KCNJ15: variants seen among roughly 807,000 people sequenced by gnomAD.
KCNJ15 encodes the protein potassium inwardly rectifying channel subfamily J member 15.
Under a neutral mutation model 23.0 loss-of-function variants are expected in KCNJ15, and 14 were observed. The observed-to-expected ratio is 0.61, with a 90% CI of 0.40 to 0.95. The LOEUF is 0.95. KCNJ15 is among the 40% of genes least tolerant of loss of function. The pLI is 0.00. For missense variants in KCNJ15, 388 were observed against 461.8 expected, an observed-to-expected ratio of 0.84 and a Z score of 1.46; for synonymous variants, 185 against 183.2, an observed-to-expected ratio of 1.01 and a Z score of -0.08.
At chr21:38,283,795 A>C (rs1334005765) in intron 1 of KCNJ15, among the ~76,000 whole-genome samples, 2 of 151,824 alleles carry the variant, frequency 1.3e-5, no homozygotes, top group African/African-American at 4.8e-5. Flanking sequence ...CAAACTCGTC[A>C]ATGTAGAATG....
intron 1 of KCNJ15, among the ~76,000 whole-genome samples, chr21:38,294,974 A>G (rs1177907693): frequency 1.3e-5 from 2 of 152,224 alleles, no homozygotes; most frequent in African/African-American, 2.4e-5. Context: ...CGATATAACA[A>G]AAACTGCAGA....
Position 38,302,390 on chromosome 21 carries a change from G to T in KCNJ15, c.*2001G>T, listed in dbSNP as rs753684498. 1.3e-5 allele frequency: 2 copies of T among 152,228 alleles called. No homozygotes were observed. The highest frequency in any genetic ancestry group is 2.9e-5 in the Non-Finnish European group (2 of 68,034). 9.4% of individuals were successfully genotyped at this position (152,228 alleles called of 1,614,324 possible). A position where few individuals can be genotyped will look rare whatever the true frequency, so the allele number is the denominator to read the frequency against. On this transcript the variant is annotated 3_prime_UTR_variant, in exon 3 of 3. Coordinates refer to ENST00000398938, the MANE Select transcript of KCNJ15 (RefSeq NM_170736.3). ...GGAACTGAACTAGTTTAAGGCAGGT[G>T]TAAGAATAGTGGGAGGAAAGTTTGT...
At chr21:38,265,297 A>G (rs767309149) in intron 1 of KCNJ15, among the ~76,000 whole-genome samples, 1 of 152,254 alleles carries the variant, frequency 6.6e-6, no homozygotes, top group Non-Finnish European at 1.5e-5. Context: ...AGCGAATTTC[A>G]TTGCAGCTGG....
chr21:38,267,322 A>T (rs771706274), intron 1 of KCNJ15: 1 of 152,236 alleles, frequency 6.6e-6, no homozygotes, highest in African/African-American at 2.4e-5. Context: ...CAGAGACTGG[A>T]TCCCTGAGGA....
chr21:38,249,761 C>G (rs932642609), intron 1 of KCNJ15, among the ~76,000 whole-genome samples: 1 of 152,144 alleles, frequency 6.6e-6, no homozygotes, highest in African/African-American at 2.4e-5. Context: ...AAACCAGTAC[C>G]CTATTATTAG....
At chr21:38,250,938 G>A (rs1463486721) in intron 1 of KCNJ15, among the ~76,000 whole-genome samples, 1 of 152,148 alleles carries the variant, frequency 6.6e-6, no homozygotes, top group African/African-American at 2.4e-5. Context: ...GACGTGTCTG[G>A]CCATCTGGTA....
At chr21:38,264,118 T>C (rs931992993) in intron 1 of KCNJ15, among the ~76,000 whole-genome samples, 2 of 152,262 alleles carry the variant, frequency 1.3e-5, no homozygotes, top group Non-Finnish European at 2.9e-5. Flanking sequence ...AGCTTCCTAT[T>C]TGAACCTGGG....
At chr21:38,289,400 T>A (rs1338328663) in intron 1 of KCNJ15, among the ~76,000 whole-genome samples, 1 of 152,192 alleles carries the variant, frequency 6.6e-6, no homozygotes, top group African/African-American at 2.4e-5. Context: ...AAATAGTGAG[T>A]GAGATTCCAC....
At chr21:38,271,098 A>T (rs1982029490) in intron 1 of KCNJ15, among the ~76,000 whole-genome samples, 1 of 152,250 alleles carries the variant, frequency 6.6e-6, no homozygotes, top group Non-Finnish European at 1.5e-5. Flanking sequence ...CTCAGGGACA[A>T]AACCTGGTTG....
chr21:38,235,121 C>G (rs1601115251), intron 1 of KCNJ15, among the ~76,000 whole-genome samples: 1 of 152,236 alleles, frequency 6.6e-6, no homozygotes, highest in African/African-American at 2.4e-5. Flanking sequence ...TATAATCACT[C>G]TTTGGACACA....
intron 1 of KCNJ15, among the ~76,000 whole-genome samples, chr21:38,258,754 C>T (rs2097068552): frequency 6.6e-6 from 1 of 152,202 alleles, no homozygotes; most frequent in African/African-American, 2.4e-5. Context: ...GTTTCCACTC[C>T]TTCCTCCCAC....
At chr21:38,274,735 C>A (rs1279830885) in intron 1 of KCNJ15, among the ~76,000 whole-genome samples, 1 of 152,226 alleles carries the variant, frequency 6.6e-6, no homozygotes, top group East Asian at 1.9e-4. Flanking sequence ...TGAAATCTTG[C>A]CTTCTTAATT....
intron 1 of KCNJ15, among the ~76,000 whole-genome samples, chr21:38,258,199 G>C (rs1980474466): frequency 6.6e-6 from 1 of 152,108 alleles, no homozygotes. Context: ...TTGTCCTCTT[G>C]TGAATGTTTA....
intron 2 of KCNJ15, among the ~76,000 whole-genome samples, chr21:38,297,871 T>A (rs1444381858): frequency 6.6e-6 from 1 of 152,104 alleles, no homozygotes; most frequent in Non-Finnish European, 1.5e-5. Flanking sequence ...AACAGGAAAA[T>A]TAAAATGCCC....
rs1422165633 is a variant in KCNJ15 at position 38,238,273 on chromosome 21, ATTGAGCAGGC to A, written c.-398-18768_-398-18759del. ...TAATTCACAGGGATCCATGATGAGC[ATTGAGCAGGC>A]TTGATTCTCACACACATACGCAGTG... is the stretch of plus-strand genomic sequence containing the variant. On this transcript the variant is annotated intron_variant, in intron 1 of 4. Coordinates refer to the KCNJ15 transcript ENST00000547341. 1.4e-5 allele frequency: 10 copies of A among 689,750 alleles called. No individual in the cohort carries two copies. The East Asian group carries it at 3.0e-4, about 21-fold the overall frequency. 42.7% of individuals were successfully genotyped at this position (689,750 alleles called of 1,614,324 possible).
chr21:38,263,384 G>T (rs533409809), intron 1 of KCNJ15, among the ~76,000 whole-genome samples: 2 of 152,082 alleles, frequency 1.3e-5, no homozygotes, highest in African/African-American at 4.8e-5. Flanking sequence ...GTCCTGTGAG[G>T]GTCCTGGTAA....
At chr21:38,256,391 G>A (rs1228983102), upstream of KCNJ15, among the ~76,000 whole-genome samples, 1 of 85,236 alleles carries the variant, frequency 1.2e-5, no homozygotes, top group Non-Finnish European at 2.9e-5. Context: ...ATATTTATCA[G>A]GGAAAGCAGG....
chr21:38,296,438 G>A (rs974185135), intron 1 of KCNJ15: 3 of 152,250 alleles, frequency 2.0e-5, no homozygotes, highest in Admixed American at 6.5e-5. Flanking sequence ...AGCTTCCAAA[G>A]ACTTTGGACC....
intron 1 of KCNJ15, among the ~76,000 whole-genome samples, chr21:38,280,412 G>T (rs901128303): frequency 1.3e-5 from 2 of 152,060 alleles, no homozygotes; most frequent in Admixed American, 6.6e-5. Flanking sequence ...ATAGTGTGTG[G>T]GTGTGTGTTC....
Sources: allele counts gnomAD v4.1 joint callset (sites outside exome capture counted in the v4.1 genomes callset), GRCh38; gene constraint gnomAD v4.1.1; transcripts MANE v1.5; gene names NCBI Gene and HGNC (gene_info 2026-07-23, HGNC 2026-07-21).